The following SPAG16 variants were observed in gnomAD, a reference collection of about 807,000 sequenced individuals.
SPAG16 encodes sperm associated antigen 16.
A neutral mutation model predicts 80.4 loss-of-function variants in SPAG16; 86 were observed. That is an observed-to-expected ratio of 1.07 (90% confidence interval 0.90 to 1.28). SPAG16 has a LOEUF of 1.28. SPAG16 is among the 50% of genes most tolerant of loss of function. The pLI is 0.00. For missense variants in SPAG16, 870 were observed against 765.3 expected, an observed-to-expected ratio of 1.14 and a Z score of -1.61; for synonymous variants, 294 against 265.9, an observed-to-expected ratio of 1.11 and a Z score of -1.03.
intron 15 of SPAG16, among the ~76,000 whole-genome samples, chr2:214,334,893 A>G (rs1216577451): frequency 6.6e-6 from 1 of 152,216 alleles, no homozygotes; most frequent in Non-Finnish European, 1.5e-5. Context: ...CTAGATCCAC[A>G]ATCTCATTTT....
intron 10 of SPAG16, among the ~76,000 whole-genome samples, chr2:213,615,371 A>C (rs2061558994): frequency 6.6e-6 from 1 of 152,200 alleles, no homozygotes; most frequent in African/African-American, 2.4e-5. Context: ...CGGGCAGATC[A>C]CCTGAGGCCA....
At chr2:213,385,460 C>T (rs1217713389) in intron 9 of SPAG16, among the ~76,000 whole-genome samples, 1 of 152,132 alleles carries the variant, frequency 6.6e-6, no homozygotes, top group Non-Finnish European at 1.5e-5. Flanking sequence ...CATGTACTGT[C>T]GTGGAACCCA....
chr2:213,378,571 G>A (rs916173477), intron 9 of SPAG16, among the ~76,000 whole-genome samples: 46 of 152,154 alleles, frequency 3.0e-4, no homozygotes, highest in Admixed American at 1.3e-4. Flanking sequence ...GAAATAAAAC[G>A]AAGGTATATT....
At chr2:213,910,987 A>G (rs2077638802) in intron 11 of SPAG16, among the ~76,000 whole-genome samples, 1 of 152,056 alleles carries the variant, frequency 6.6e-6, no homozygotes, top group Non-Finnish European at 1.5e-5. Flanking sequence ...TACACTTTCC[A>G]CTTCCTACTT....
intron 9 of SPAG16, among the ~76,000 whole-genome samples, chr2:213,439,540 C>T (rs947923130): frequency 1.3e-5 from 2 of 152,052 alleles, no homozygotes; most frequent in African/African-American, 4.8e-5. Flanking sequence ...AAATGATGAA[C>T]CTGGATGAAA....
At chr2:214,204,188 G>T (rs1485230918) in intron 15 of SPAG16, among the ~76,000 whole-genome samples, 1 of 152,202 alleles carries the variant, frequency 6.6e-6, no homozygotes, top group Non-Finnish European at 1.5e-5. Flanking sequence ...CCCAAGGAGA[G>T]CCTGAGCTCA....
chr2:213,607,636 C>T (rs1368503584), intron 10 of SPAG16, among the ~76,000 whole-genome samples: 4 of 152,184 alleles, frequency 2.6e-5, no homozygotes, highest in Non-Finnish European at 5.9e-5. Context: ...GGCTTAGATG[C>T]ACACCGGAAT....
intron 9 of SPAG16, among the ~76,000 whole-genome samples, chr2:213,487,148 CT>C (rs1559181643): frequency 6.6e-6 from 1 of 151,990 alleles, no homozygotes; most frequent in Non-Finnish European, 1.5e-5. Flanking sequence ...ACATAGAAAG[CT>C]TTAAAATAAA....
chr2:214,356,657 C>G (rs1698824616), intron 15 of SPAG16, among the ~76,000 whole-genome samples: 1 of 151,894 alleles, frequency 6.6e-6, no homozygotes, highest in Admixed American at 6.6e-5. Context: ...TCAACATAAA[C>G]ATTTACCGTA....
intron 14 of SPAG16, among the ~76,000 whole-genome samples, chr2:214,141,383 C>T (rs2055350601): frequency 6.6e-6 from 1 of 151,828 alleles, no homozygotes; most frequent in Admixed American, 6.6e-5. Flanking sequence ...AGGAGAATCA[C>T]CTGAACCCAG....
chr2:214,108,439 TCACACA>T (rs71037342), intron 14 of SPAG16, among the ~76,000 whole-genome samples, 178 bp downstream of exon 14: 18 of 125,028 alleles, frequency 1.4e-4, no homozygotes, highest in African/African-American at 2.4e-4. Flanking sequence ...ATTTTAAAAT[TCACACA>T]CACACACACA....
intron 12 of SPAG16, among the ~76,000 whole-genome samples, chr2:213,949,971 G>C (rs1030467720): frequency 1.2e-4 from 19 of 152,242 alleles, no homozygotes; most frequent in African/African-American, 3.4e-4. Flanking sequence ...TCAGATGACA[G>C]AAAAATCTAT....
intron 12 of SPAG16, among the ~76,000 whole-genome samples, chr2:213,946,101 A>G (rs1224926505): frequency 6.6e-6 from 1 of 152,020 alleles, no homozygotes; most frequent in Non-Finnish European, 1.5e-5. Flanking sequence ...CTTAATTTTT[A>G]TACGTAGATT....
At chr2:213,755,773 TAGAA>T (rs759705676) in intron 10 of SPAG16, among the ~76,000 whole-genome samples, 1 of 152,112 alleles carries the variant, frequency 6.6e-6, no homozygotes, top group Non-Finnish European at 1.5e-5. Flanking sequence ...TAGTAGATAT[TAGAA>T]AGATATACCC....
chr2:213,397,107 A>G (rs185465330), intron 9 of SPAG16, among the ~76,000 whole-genome samples: 187 of 152,142 alleles, frequency 1.2e-3, no homozygotes, highest in Non-Finnish European at 2.3e-3. Context: ...TTAACAATCA[A>G]CTCTTTGGAA....
intron 15 of SPAG16, among the ~76,000 whole-genome samples, chr2:214,287,933 CCT>C (rs1439012718): frequency 6.6e-6 from 1 of 152,060 alleles, no homozygotes; most frequent in East Asian, 1.9e-4. Context: ...CACGTCAAGT[CCT>C]CTCTCCTAGC....
At chr2:213,361,740 G>T (rs1575363148) in intron 7 of SPAG16, among the ~76,000 whole-genome samples, 1 of 150,828 alleles carries the variant, frequency 6.6e-6, no homozygotes, top group South Asian at 2.1e-4. Flanking sequence ...ACCTGCAGAG[G>T]TTGGTGGATC....
chr2:213,508,659 T>C (rs2075078559), intron 10 of SPAG16, among the ~76,000 whole-genome samples: 1 of 151,786 alleles, frequency 6.6e-6, no homozygotes, highest in African/African-American at 2.4e-5. Flanking sequence ...CAGCAAACTG[T>C]CGCAAGGACA....
intron 11 of SPAG16, among the ~76,000 whole-genome samples, chr2:213,923,032 G>A (rs1023432774): frequency 6.6e-6 from 1 of 152,162 alleles, no homozygotes; most frequent in Non-Finnish European, 1.5e-5. Context: ...TGGTCCATCT[G>A]GCTATGGGAG....
Sources: allele counts gnomAD v4.1 joint callset (sites outside exome capture counted in the v4.1 genomes callset), GRCh38; gene constraint gnomAD v4.1.1; transcripts MANE v1.5; gene names NCBI Gene and HGNC (gene_info 2026-07-23, HGNC 2026-07-21).